OSBP2: variants seen among roughly 807,000 people sequenced by gnomAD.
OSBP2 encodes the protein oxysterol-binding protein 2.
Under a neutral mutation model 96.0 loss-of-function variants are expected in OSBP2, and 66 were observed. That is an observed-to-expected ratio of 0.69 (90% CI 0.56 to 0.84). The LOEUF (loss-of-function observed/expected upper bound fraction) is 0.84, where lower values mean the gene tolerates loss of function less well. OSBP2 is among the 40% of genes least tolerant of loss of function. OSBP2 has a pLI of 0.00. For missense variants in OSBP2, 1,038 were observed against 1,222.7 expected (o/e 0.85, Z 2.25); for synonymous variants, 525 against 520.9 (o/e 1.01, Z -0.11).
At chr22:30,729,273 A>G (rs2078957500) in intron 1 of OSBP2, among the ~76,000 whole-genome samples, 1 of 152,236 alleles carries the variant, frequency 6.6e-6, no homozygotes, top group African/African-American at 2.4e-5. Context: ...TCTCAAAGAT[A>G]CTAGCACTGC....
chr22:30,808,370 A>G (rs1602293566), intron 2 of OSBP2, among the ~76,000 whole-genome samples: 1 of 152,112 alleles, frequency 6.6e-6, no homozygotes, highest in South Asian at 2.1e-4. Context: ...AGCTGGATAT[A>G]GTGGGGTGCC....
chr22:30,895,635 A>T (rs532836103), intron 12 of OSBP2, among the ~76,000 whole-genome samples: 1 of 152,252 alleles, frequency 6.6e-6, no homozygotes, highest in East Asian at 1.9e-4. Context: ...CCACACAAAA[A>T]CCCACAATGA....
At chr22:30,717,091 TGTGTGTG>T (rs1569094574) in intron 1 of OSBP2, among the ~76,000 whole-genome samples, 5 of 64,290 alleles carry the variant, frequency 7.8e-5, no homozygotes, top group African/African-American at 2.7e-4. Flanking sequence ...TTACTGTTTT[TGTGTGTG>T]TGTGTGTGTG....
At chr22:30,778,303 G>GCACACA (rs34574171) in intron 2 of OSBP2, among the ~76,000 whole-genome samples, 12,178 of 146,522 alleles carry the variant, frequency 0.083, 888 homozygotes, top group African/African-American at 0.21. Flanking sequence ...GTGTGCATGT[G>GCACACA]CACACACACA....
intron 1 of OSBP2, among the ~76,000 whole-genome samples, chr22:30,717,010 T>C (rs547720352): frequency 6.6e-6 from 1 of 152,308 alleles, no homozygotes; most frequent in East Asian, 1.9e-4. Flanking sequence ...CATGAAACTT[T>C]ATGCCTATGG....
chr22:30,843,445 C>T (rs1277088011), intron 2 of OSBP2, among the ~76,000 whole-genome samples: 2 of 76,740 alleles, frequency 2.6e-5, no homozygotes, highest in African/African-American at 1.8e-4. Flanking sequence ...AGGAATCTTT[C>T]CCCCCTCCCC....
In OSBP2 at chr22:30,881,948, G is replaced by A. The variant is rs946446672; in HGVS notation, c.1108-5478G>A. The A allele has an allele frequency of 4.6e-5, 29 of 626,280 alleles. No homozygotes were observed. The highest frequency in any genetic ancestry group is 4.2e-4 in the Admixed American group (14 of 33,536). The allele number at this position is 626,280 out of a possible 1,614,324, so 38.8% of individuals were successfully genotyped here. Reference sequence around the variant, plus strand: ...GGCACAGCAGTTTTCACCCTGCCCCGCTTTTAGGTGACTGTGACACTCTAC... The same window carrying A: ...GGCACAGCAGTTTTCACCCTGCCCCACTTTTAGGTGACTGTGACACTCTAC... On this transcript the variant is annotated intron_variant, in intron 3 of 13. Coordinates refer to ENST00000332585, the MANE Select transcript of OSBP2 (RefSeq NM_030758.4). The surrounding 1 kb of genome is among the most constrained non-coding windows in gnomAD (Gnocchi z 4.5).
intron 2 of OSBP2, among the ~76,000 whole-genome samples, chr22:30,810,183 T>A (rs1193103232): frequency 6.6e-6 from 1 of 152,058 alleles, no homozygotes; most frequent in East Asian, 1.9e-4. Flanking sequence ...GAGAGAGGAC[T>A]GACTCATGTC....
At chr22:30,898,872 T>C (rs2040124987) in intron 12 of OSBP2, among the ~76,000 whole-genome samples, 1 of 139,790 alleles carries the variant, frequency 7.2e-6, no homozygotes, top group African/African-American at 2.5e-5. Context: ...TTAATAATAA[T>C]AATAATAATA....
Position 30,893,122 on chromosome 22 carries a change from G to A in OSBP2, c.1870G>A (p.Val624Met), listed in dbSNP as rs2039984878. The A allele has an allele frequency of 1.2e-6, 2 of 1,613,774 alleles. No homozygotes were observed. Among genetic ancestry groups the A allele is most frequent in the Non-Finnish European group, 8.5e-7 (1 of 1,179,962 alleles). ...DMGLRSLCEQ[V>M]SHHPPSAAHY... ...TCACATCCTATGGGTCTGGTCTCAG[G>A]TGAGCCACCACCCCCCCTCAGCTGC... The change falls in exon 9 of 14, where the codon GTG becomes ATG. Residue 624 changes from valine (V) to methionine (M), a missense_variant and splice_region_variant. By Grantham distance (21) the Val-to-Met change is conservative. This residue lies in a region of OSBP2 where 737 missense variants were observed against 913.3 expected (regional missense o/e 0.81). Coordinates refer to ENST00000332585, the MANE Select transcript of OSBP2 (RefSeq NM_030758.4).
intron 1 of OSBP2, among the ~76,000 whole-genome samples, chr22:30,732,795 C>T (rs999864769): frequency 2.6e-5 from 4 of 152,176 alleles, no homozygotes; most frequent in African/African-American, 9.7e-5. Flanking sequence ...GGTATTTCTC[C>T]CTCGGTGTCC....
chr22:30,735,875 A>C (rs1023645549), intron 1 of OSBP2, among the ~76,000 whole-genome samples: 9 of 151,658 alleles, frequency 5.9e-5, no homozygotes, highest in Non-Finnish European at 1.3e-4. Flanking sequence ...GGTGTGCACC[A>C]CCATGCCCAG....
At chr22:30,830,916 G>A (rs77486570) in intron 2 of OSBP2, among the ~76,000 whole-genome samples, 6,557 of 151,718 alleles carry the variant, frequency 0.043, 312 homozygotes, top group African/African-American at 0.12. Flanking sequence ...TCACATGGCT[G>A]TACATCATAA....
rs2040004938 is a variant in OSBP2, at chr22:30,893,681, GC to G, written c.2140del (p.Gln714SerfsTer2). The G allele has an allele frequency of 6.2e-7, 1 of 1,614,102 alleles. No individual in the cohort carries two copies. The highest frequency in any genetic ancestry group is 1.3e-5 in the African/African-American group (1 of 74,930). ...EIVNHKTNDR[C>X]QLKFLPYSYF... ...GTGAACCATAAGACCAATGACCGGT[GC>G]CAGCTGAAGTTCCTGCCCTACAGCT... On this transcript the variant is annotated frameshift_variant, in exon 11 of 14. Transcript: ENST00000332585. LOFTEE classifies it high-confidence loss of function.
At chr22:30,787,315 C>G (rs1244229234) in intron 2 of OSBP2, among the ~76,000 whole-genome samples, 1 of 152,034 alleles carries the variant, frequency 6.6e-6, no homozygotes, top group Non-Finnish European at 1.5e-5. Flanking sequence ...CGAATGGGAG[C>G]TAAGAGGAGG....
intron 3 of OSBP2, among the ~76,000 whole-genome samples, chr22:30,884,072 A>G (rs1205969497): frequency 1.3e-5 from 2 of 152,176 alleles, no homozygotes; most frequent in Non-Finnish European, 2.9e-5. Flanking sequence ...TGCAAATTGT[A>G]TGATGGACAG....
chr22:30,783,249 C>G (rs1410295519), intron 2 of OSBP2, among the ~76,000 whole-genome samples: 1 of 149,196 alleles, frequency 6.7e-6, no homozygotes, highest in East Asian at 2.0e-4. Flanking sequence ...TGTTTTCATT[C>G]CCCGAAGACA....
intron 3 of OSBP2, among the ~76,000 whole-genome samples, chr22:30,879,231 C>T (rs1012959116): frequency 1.3e-5 from 2 of 152,158 alleles, no homozygotes; most frequent in African/African-American, 4.8e-5. Flanking sequence ...AGGTTTCTGC[C>T]CAGCTGACCA....
intron 1 of OSBP2, among the ~76,000 whole-genome samples, chr22:30,714,438 A>G (rs1437661245): frequency 1.3e-5 from 2 of 152,032 alleles, no homozygotes; most frequent in East Asian, 3.8e-4. Flanking sequence ...TAAAAAACAC[A>G]TAACGTAAAA....
Sources: allele counts gnomAD v4.1 joint callset (sites outside exome capture counted in the v4.1 genomes callset), GRCh38; gene constraint gnomAD v4.1.1; regional missense constraint gnomAD v4.1.1; non-coding constraint Gnocchi (gnomAD v3.1); transcripts MANE v1.5; gene names NCBI Gene and HGNC (gene_info 2026-07-23, HGNC 2026-07-21).